The following TTLL5 variants were observed in gnomAD, a reference collection of about 807,000 sequenced individuals.
TTLL5 encodes the protein tubulin polyglutamylase TTLL5.
TTLL5 carries 132 observed loss-of-function variants against 168.4 expected under a neutral mutation model. That is an observed-to-expected ratio of 0.78 (90% CI 0.68 to 0.91). TTLL5 has a LOEUF of 0.91. TTLL5 is among the 40% of genes least tolerant of loss of function. The pLI, the probability that TTLL5 is intolerant of heterozygous loss-of-function variation, is 0.00. For synonymous variants in TTLL5, 546 were observed against 558.6 expected (o/e 0.98, Z 0.32); for missense variants, 1,545 against 1,581.5 (o/e 0.98, Z 0.39).
chr14:75,667,264 A>G (rs779039465), intron 2 of TTLL5, among the ~76,000 whole-genome samples: 4 of 152,218 alleles, frequency 2.6e-5, no homozygotes, highest in Non-Finnish European at 5.9e-5. Context: ...TCCATTGTTT[A>G]TAAATGCTAA....
intron 15 of TTLL5, among the ~76,000 whole-genome samples, chr14:75,742,374 C>A (rs1468660961): frequency 6.6e-6 from 1 of 152,062 alleles, no homozygotes; most frequent in Non-Finnish European, 1.5e-5. Flanking sequence ...GACTGACTGC[C>A]AGTGGCTTTA....
In TTLL5 at chr14:75,817,411, C is replaced by T. The variant is rs573361792; in HGVS notation, c.3172-2596C>T. Reference sequence around the variant, plus strand: ...TGGTCCACACTAGAGGGTGCAGCCTCCACAGACACTGGGAATTGCTCCTGA... The same window carrying T: ...TGGTCCACACTAGAGGGTGCAGCCTTCACAGACACTGGGAATTGCTCCTGA... On this transcript the variant is annotated intron_variant, in intron 27 of 31. Coordinates refer to ENST00000298832, the MANE Select transcript of TTLL5 (RefSeq NM_015072.5). Among the ~76,000 whole-genome samples, 3 of 152,256 alleles carry T rather than the reference C, an allele frequency of 2.0e-5. No individual in the cohort carries two copies. The South Asian group carries it at 6.2e-4, about 32-fold the overall frequency.
intron 30 of TTLL5, among the ~76,000 whole-genome samples, chr14:75,883,393 C>A (rs1203974325): frequency 6.6e-6 from 1 of 152,186 alleles, no homozygotes; most frequent in African/African-American, 2.4e-5. Flanking sequence ...ACTGTATCTC[C>A]AGCCACTTTT....
At chr14:75,935,461 T>C (rs2034407613) in intron 31 of TTLL5, among the ~76,000 whole-genome samples, 1 of 152,212 alleles carries the variant, frequency 6.6e-6, no homozygotes. Flanking sequence ...CCAGGCTGCA[T>C]GACAACAAGA....
intron 3 of TTLL5, among the ~76,000 whole-genome samples, chr14:75,675,968 G>A (rs1357606029): frequency 6.6e-6 from 1 of 152,202 alleles, no homozygotes; most frequent in Admixed American, 6.5e-5. Flanking sequence ...TTGAAAGCCT[G>A]TGAGCCAGAG....
At chr14:75,686,085 A>G (rs1220232236) in intron 5 of TTLL5, among the ~76,000 whole-genome samples, 1 of 152,210 alleles carries the variant, frequency 6.6e-6, no homozygotes, top group Non-Finnish European at 1.5e-5. Context: ...AGATTTGCCA[A>G]AGCAGTTTCT....
chr14:75,886,675 A>G (rs1215636418), intron 30 of TTLL5: 14 of 1,595,742 alleles, frequency 8.8e-6, no homozygotes, highest in South Asian at 1.1e-5. Flanking sequence ...TTCTTCTCCA[A>G]TGTTTGCAAC....
intron 30 of TTLL5, 140 bp downstream of exon 30, chr14:75,883,042 G>T (rs2140024811): frequency 1.1e-6 from 1 of 932,450 alleles, no homozygotes; most frequent in Admixed American, 2.9e-5. Context: ...GCTAACCCTA[G>T]TTCTCAGCGT....
chr14:75,719,661 C>G lies in TTLL5; in HGVS notation c.843-74C>G, dbSNP rs144809394. ...AAAACTTTTTAAAAAGACAAGAAGG[C>G]TATTTGCAAAGAGTCTTGTTATTAT... is the stretch of plus-strand genomic sequence containing the variant. On this transcript the variant is annotated intron_variant, in intron 10 of 31. Transcript: ENST00000298832. 142 of 1,282,040 alleles carry G rather than the reference C, an allele frequency of 1.1e-4. No homozygotes were observed. In the East Asian group the frequency reaches 3.1e-3, roughly 28 times the overall value. The allele number at this position is 1,282,040 out of a possible 1,614,324, so 79.4% of individuals were successfully genotyped here.
intron 31 of TTLL5, among the ~76,000 whole-genome samples, chr14:75,930,798 A>G (rs2034252586): frequency 6.6e-6 from 1 of 152,244 alleles, no homozygotes; most frequent in Non-Finnish European, 1.5e-5. Flanking sequence ...ACATCATTTA[A>G]AAGTCTGGCT....
chr14:75,811,126 G>A (rs1345470666), intron 27 of TTLL5, among the ~76,000 whole-genome samples: 2 of 145,818 alleles, frequency 1.4e-5, no homozygotes, highest in Non-Finnish European at 3.0e-5. Context: ...GAAATAGAGG[G>A]GGTGGGGAAA....
At chr14:75,700,176 C>T (rs1360035466) in intron 7 of TTLL5, among the ~76,000 whole-genome samples, 2 of 152,204 alleles carry the variant, frequency 1.3e-5, no homozygotes, top group African/African-American at 2.4e-5. Context: ...GCTGGGCAGA[C>T]ATGAGCCGGG....
intron 31 of TTLL5, among the ~76,000 whole-genome samples, chr14:75,939,356 CTGTT>C (rs1428537018): frequency 6.6e-6 from 1 of 152,178 alleles, no homozygotes; most frequent in African/African-American, 2.4e-5. Context: ...TTGAAAGTCA[CTGTT>C]AGTCACTGGT....
chr14:75,713,160 A>G (rs1224086905), intron 9 of TTLL5, among the ~76,000 whole-genome samples: 1 of 152,224 alleles, frequency 6.6e-6, no homozygotes, highest in Admixed American at 6.5e-5. Context: ...CTTTATAACA[A>G]TGGGCAAGGA....
chr14:75,767,040 G>A (rs191993166), intron 20 of TTLL5, among the ~76,000 whole-genome samples: 1 of 152,194 alleles, frequency 6.6e-6, no homozygotes, highest in Admixed American at 6.5e-5. Flanking sequence ...GTGCATGCCT[G>A]TAAGCCCAGC....
intron 27 of TTLL5, among the ~76,000 whole-genome samples, chr14:75,806,975 A>T (rs181611052): frequency 1.3e-5 from 2 of 152,330 alleles, no homozygotes; most frequent in African/African-American, 2.4e-5. Context: ...ATTACTTTTT[A>T]TAACAGATCT....
At chr14:75,764,494 T>C in intron 18 of TTLL5, 121 bp from the exon 19 acceptor site, 1 of 1,194,156 alleles carries the variant, frequency 8.4e-7, no homozygotes, top group Non-Finnish European at 1.2e-6. Flanking sequence ...GTCAAACTTT[T>C]AGAATTCACT....
At chr14:75,883,571 A>G (rs1566644587) in intron 30 of TTLL5, among the ~76,000 whole-genome samples, 1 of 152,332 alleles carries the variant, frequency 6.6e-6, no homozygotes, top group East Asian at 1.9e-4. Flanking sequence ...GAGGCTTCTC[A>G]TTCATTTGTC....
Position 75,933,650 on chromosome 14 carries a change from A to G in TTLL5, c.3824-20774A>G, listed in dbSNP as rs146259097. On this transcript the variant is annotated intron_variant, in intron 31 of 31. Coordinates refer to ENST00000298832, the MANE Select transcript of TTLL5 (RefSeq NM_015072.5). ...TGTGGTTGTTGGCAAGCTTCTTTCC[A>G]CTTAAGCTTCTCTAAAGGCTGCTGT... 2.7e-3 allele frequency among the ~76,000 whole-genome samples: 414 copies of G among 152,298 alleles called. 1 individual carries two copies. The highest frequency in any genetic ancestry group is 4.5e-3 in the Non-Finnish European group (308 of 68,022).
Sources: allele counts gnomAD v4.1 joint callset (sites outside exome capture counted in the v4.1 genomes callset), GRCh38; gene constraint gnomAD v4.1.1; transcripts MANE v1.5; gene names NCBI Gene and HGNC (gene_info 2026-07-23, HGNC 2026-07-21).